The following HPSE2 variants were observed in gnomAD, a reference collection of about 807,000 sequenced individuals.
HPSE2 encodes the protein inactive heparanase-2.
Under a neutral mutation model 60.5 loss-of-function variants are expected in HPSE2, and 38 were observed. The observed-to-expected ratio is 0.63, with a 90% CI of 0.48 to 0.82. HPSE2 has a LOEUF of 0.82. Ranked by LOEUF, HPSE2 falls within the 40% of genes least tolerant of loss-of-function variation. The pLI is 0.00. For missense variants in HPSE2, 713 were observed against 740.4 expected, an observed-to-expected ratio of 0.96 and a Z score of 0.43; for synonymous variants, 295 against 293.2, an observed-to-expected ratio of 1.01 and a Z score of -0.06.
chr10:99,139,352 C>T (rs191386358), intron 3 of HPSE2, among the ~76,000 whole-genome samples: 10 of 152,064 alleles, frequency 6.6e-5, no homozygotes, highest in African/African-American at 1.7e-4. Flanking sequence ...ACTCAAGTGA[C>T]GGGTGCACTA....
chr10:99,069,855 A>G (rs1842731558), intron 3 of HPSE2, among the ~76,000 whole-genome samples: 1 of 152,112 alleles, frequency 6.6e-6, no homozygotes, highest in African/African-American at 2.4e-5. Flanking sequence ...GTAACATGAA[A>G]AAAAACTATA....
chr10:99,120,535 G>A (rs1288720178), intron 3 of HPSE2, among the ~76,000 whole-genome samples: 1 of 150,550 alleles, frequency 6.6e-6, no homozygotes, highest in African/African-American at 2.4e-5. Flanking sequence ...CTGCAATCGT[G>A]CGATCTTGGC....
At chr10:98,589,370 T>G (rs1412627837) in intron 9 of HPSE2, among the ~76,000 whole-genome samples, 1 of 152,190 alleles carries the variant, frequency 6.6e-6, no homozygotes, top group Non-Finnish European at 1.5e-5. Flanking sequence ...TTCTTTCAGC[T>G]ACCTGCCACC....
intron 9 of HPSE2, among the ~76,000 whole-genome samples, chr10:98,568,714 AC>A (rs1438301839): frequency 2.6e-5 from 4 of 151,718 alleles, no homozygotes; most frequent in Admixed American, 6.6e-5. Context: ...TTTCCCCTCA[AC>A]CCCACCCTGG....
intron 3 of HPSE2, among the ~76,000 whole-genome samples, chr10:98,879,846 CAT>C (rs1825479575): frequency 9.6e-6 from 1 of 104,320 alleles, no homozygotes; most frequent in Admixed American, 9.4e-5. Context: ...AGTTGGTGTG[CAT>C]GTGCGTGTGT....
chr10:99,163,383 A>G (rs1376612739), intron 2 of HPSE2, among the ~76,000 whole-genome samples: 5 of 152,122 alleles, frequency 3.3e-5, no homozygotes, highest in Non-Finnish European at 5.9e-5. Flanking sequence ...AAAATACGTA[A>G]AGTCCTCAGT....
At chr10:99,245,154 T>C in the HPSE2 span, among the ~76,000 whole-genome samples, 816 of 152,260 alleles carry the variant, frequency 5.4e-3, 6 homozygotes, top group South Asian at 1.0e-2. Flanking sequence ...TTAAAAATAG[T>C]CTTTTCCCCT....
At chr10:98,798,672 C>T (rs937478920) in intron 3 of HPSE2, among the ~76,000 whole-genome samples, 1 of 152,056 alleles carries the variant, frequency 6.6e-6, no homozygotes, top group African/African-American at 2.4e-5. Flanking sequence ...TTTTAAATAA[C>T]GAGTTGTAAG....
At chr10:99,023,339 C>T (rs143805312) in intron 3 of HPSE2, among the ~76,000 whole-genome samples, 172 of 152,200 alleles carry the variant, frequency 1.1e-3, no homozygotes, top group African/African-American at 4.0e-3. Context: ...TACAATAGAA[C>T]ACTAGGTAGA....
intron 10 of HPSE2, among the ~76,000 whole-genome samples, chr10:98,489,409 C>A (rs1412690901): frequency 6.6e-6 from 1 of 152,160 alleles, no homozygotes; most frequent in East Asian, 1.9e-4. Context: ...AAGAGGATAA[C>A]CCCACACTAC....
intron 6 of HPSE2, among the ~76,000 whole-genome samples, chr10:98,669,020 T>C (rs1947441326): frequency 1.3e-5 from 2 of 152,104 alleles, no homozygotes; most frequent in South Asian, 4.1e-4. Context: ...CCAGAATCTA[T>C]AAGGAACTTA....
chr10:98,692,265 A>C (rs540762673), intron 6 of HPSE2, among the ~76,000 whole-genome samples: 1 of 152,166 alleles, frequency 6.6e-6, no homozygotes, highest in Non-Finnish European at 1.5e-5. Flanking sequence ...AGATATGCAC[A>C]TGGACCTGAA....
chr10:99,006,165 G>A (rs1956887859), intron 3 of HPSE2, among the ~76,000 whole-genome samples: 1 of 152,096 alleles, frequency 6.6e-6, no homozygotes, highest in African/African-American at 2.4e-5. Context: ...GTGCTGGGAT[G>A]GTCCTGGGAA....
At chr10:98,562,388 G>A (rs1944212000) in intron 9 of HPSE2, among the ~76,000 whole-genome samples, 1 of 152,202 alleles carries the variant, frequency 6.6e-6, no homozygotes, top group Non-Finnish European at 1.5e-5. Flanking sequence ...GCCTCTGAGA[G>A]CATGGAAAGG....
intron 9 of HPSE2, among the ~76,000 whole-genome samples, chr10:98,557,059 A>C (rs1944030919): frequency 6.6e-6 from 1 of 151,928 alleles, no homozygotes; most frequent in African/African-American, 2.4e-5. Flanking sequence ...AAAATACAAA[A>C]AAAATTAGCC....
chr10:99,202,143 T>C (rs558002323), intron 2 of HPSE2, among the ~76,000 whole-genome samples: 2 of 152,318 alleles, frequency 1.3e-5, no homozygotes, highest in Non-Finnish European at 2.9e-5. Flanking sequence ...ATAATATAGA[T>C]ATAGACAGAT....
At chr10:98,710,322 C>T (rs1225093163) in intron 5 of HPSE2, among the ~76,000 whole-genome samples, 1 of 152,054 alleles carries the variant, frequency 6.6e-6, no homozygotes, top group African/African-American at 2.4e-5. Flanking sequence ...TCTCCCCATC[C>T]CTATTTATGT....
intron 3 of HPSE2, among the ~76,000 whole-genome samples, chr10:99,071,864 T>C (rs1390824948): frequency 6.6e-6 from 1 of 152,212 alleles, no homozygotes; most frequent in East Asian, 1.9e-4. Context: ...TTGTTGAAGA[T>C]AGGTTGACTG....
chr10:98,870,845 G>A (rs530571503), intron 3 of HPSE2, among the ~76,000 whole-genome samples: 68 of 151,830 alleles, frequency 4.5e-4, no homozygotes, highest in African/African-American at 1.6e-3. Context: ...CATGGAGGCA[G>A]ATCCCTCATG....
Sources: gnomAD v4.1 joint callset for allele counts (sites outside exome capture counted in the v4.1 genomes callset) on GRCh38, gnomAD v4.1.1 for gene constraint, MANE v1.5 for transcripts, NCBI Gene and HGNC (gene_info 2026-07-23, HGNC 2026-07-21) for gene names.